CLYBL: variants seen among roughly 807,000 people sequenced by gnomAD.
The protein encoded by CLYBL is citramalyl-CoA lyase, mitochondrial.
CLYBL carries 31 observed loss-of-function variants against 38.9 expected under a neutral mutation model. That is an observed-to-expected ratio of 0.80 (90% CI 0.60 to 1.08). The LOEUF is 1.08. CLYBL is among the 50% of genes least tolerant of loss of function. The pLI, the probability that CLYBL is intolerant of heterozygous loss-of-function variation, is 0.00. For synonymous variants in CLYBL, 171 were observed against 158.6 expected (o/e 1.08, Z -0.59); for missense variants, 434 against 411.6 (o/e 1.05, Z -0.47).
chr13:99,859,302 A>T (rs1053071290), intron 3 of CLYBL, among the ~76,000 whole-genome samples: 3 of 152,216 alleles, frequency 2.0e-5, no homozygotes, highest in African/African-American at 7.2e-5. Flanking sequence ...GTTTGGCCAG[A>T]ACAGCCTCCT....
At chr13:99,725,966 C>T (rs904735020) in intron 1 of CLYBL, among the ~76,000 whole-genome samples, 12 of 152,112 alleles carry the variant, frequency 7.9e-5, no homozygotes, top group Non-Finnish European at 1.6e-4. Flanking sequence ...GATAAAATCC[C>T]TTTTTCTCCA....
rs560637655 is a variant in CLYBL, at chr13:99,797,065, A to T, written c.249+24055A>T. 9.2e-5 allele frequency among the ~76,000 whole-genome samples: 14 copies of T among 152,304 alleles called. No homozygotes were observed. In the East Asian group the frequency reaches 2.3e-3, roughly 25 times the overall value. On this transcript the variant is annotated intron_variant, in intron 2 of 8. Coordinates refer to ENST00000339105, the MANE Select transcript of CLYBL (RefSeq NM_206808.5). ...ATATGGTAGCTGTTATTAATTTGCT[A>T]TTATTTCAACATTGATAGAAGCACC...
At chr13:99,758,808 C>T (rs373315729) in intron 1 of CLYBL, among the ~76,000 whole-genome samples, 2 of 152,234 alleles carry the variant, frequency 1.3e-5, no homozygotes, top group Admixed American at 6.5e-5. Context: ...TCCCCTAGAG[C>T]TTGCTCAGTG....
chr13:99,638,113 C>T (rs1309976499), intron 1 of CLYBL, among the ~76,000 whole-genome samples: 1 of 151,644 alleles, frequency 6.6e-6, no homozygotes, highest in Non-Finnish European at 1.5e-5. Flanking sequence ...ACCAGCTACA[C>T]CTGGCTAATT....
At chr13:99,736,530 G>C (rs142690245) in intron 1 of CLYBL, among the ~76,000 whole-genome samples, 1 of 152,020 alleles carries the variant, frequency 6.6e-6, no homozygotes, top group African/African-American at 2.4e-5. Flanking sequence ...TTTATGCCTG[G>C]GAATCCTCTA....
intron 7 of CLYBL, among the ~76,000 whole-genome samples, chr13:99,876,797 A>T (rs2052054564): frequency 6.6e-6 from 1 of 152,170 alleles, no homozygotes; most frequent in East Asian, 1.9e-4. Context: ...TCTTCAGTTG[A>T]ATATTACAGT....
intron 4 of CLYBL, 106 bp from the exon 5 acceptor site, chr13:99,864,712 C>A: frequency 1.3e-6 from 1 of 754,768 alleles, no homozygotes; most frequent in Non-Finnish European, 2.3e-6. Context: ...TGCTTTCAGC[C>A]AAACTGTGTT....
At chr13:99,679,372 G>A (rs2047700614) in intron 1 of CLYBL, among the ~76,000 whole-genome samples, 2 of 151,878 alleles carry the variant, frequency 1.3e-5, no homozygotes, top group Admixed American at 6.6e-5. Context: ...ATTAAATTCT[G>A]CCCTGGATAC....
rs575276517 is a variant in CLYBL, at chr13:99,640,986, G to T, written c.62+34229G>T. On this transcript the variant is annotated intron_variant, in intron 1 of 8. Coordinates refer to ENST00000339105, the MANE Select transcript of CLYBL (RefSeq NM_206808.5). ...AAAAATTAGTAGCTAGTTTTACTTT[G>T]GTTTACATATATTGTTTTTCTAATA... Among the ~76,000 whole-genome samples, 5 of 152,214 alleles carry T rather than the reference G, an allele frequency of 3.3e-5. 1 individual carries two copies. The highest frequency in any genetic ancestry group is 1.2e-4 in the African/African-American group (5 of 41,532).
intron 1 of CLYBL, among the ~76,000 whole-genome samples, chr13:99,704,268 A>T (rs956272497): frequency 6.6e-6 from 1 of 152,126 alleles, no homozygotes; most frequent in Non-Finnish European, 1.5e-5. Flanking sequence ...TATTACTTTG[A>T]TGGTTTCATT....
At chr13:99,892,024 C>T (rs2052501551) in intron 8 of CLYBL, 1 of 152,228 alleles carries the variant, frequency 6.6e-6, no homozygotes, top group Non-Finnish European at 1.5e-5. Flanking sequence ...ACATCCATCT[C>T]CTTGAACCGC....
chr13:99,696,566 A>T (rs758084424), intron 1 of CLYBL, among the ~76,000 whole-genome samples: 1 of 152,178 alleles, frequency 6.6e-6, no homozygotes, highest in Non-Finnish European at 1.5e-5. Context: ...CTATGATTCA[A>T]GTCCTGATAC....
chr13:99,732,169 GTTTTTT>G (rs35027014), intron 1 of CLYBL, among the ~76,000 whole-genome samples: 3 of 90,778 alleles, frequency 3.3e-5, no homozygotes, highest in Non-Finnish European at 6.3e-5. Flanking sequence ...TTATATGGCA[GTTTTTT>G]TTTTTTTTTT....
At chr13:99,820,480 C>T (rs1464198784) in intron 2 of CLYBL, among the ~76,000 whole-genome samples, 1 of 136,420 alleles carries the variant, frequency 7.3e-6, no homozygotes, top group Non-Finnish European at 1.6e-5. Context: ...CCCCCCGACT[C>T]CCCACCCCCA....
At chr13:99,747,574 T>C (rs2048876129) in intron 1 of CLYBL, among the ~76,000 whole-genome samples, 1 of 152,186 alleles carries the variant, frequency 6.6e-6, no homozygotes, top group African/African-American at 2.4e-5. Context: ...GGGCTCTCTC[T>C]GTTTTCATGG....
At chr13:99,666,584 T>C (rs952398623) in intron 1 of CLYBL, among the ~76,000 whole-genome samples, 1 of 152,130 alleles carries the variant, frequency 6.6e-6, no homozygotes, top group African/African-American at 2.4e-5. Context: ...GGGTGTAAGA[T>C]GTTGGCCAGC....
chr13:99,650,358 G>C (rs192504803), intron 1 of CLYBL, among the ~76,000 whole-genome samples: 2 of 152,192 alleles, frequency 1.3e-5, no homozygotes, highest in East Asian at 3.9e-4. Flanking sequence ...GGAGTTTAAG[G>C]CTACGGTGAA....
chr13:99,891,662 A>C (rs1231315536), intron 8 of CLYBL: 2 of 379,958 alleles, frequency 5.3e-6, no homozygotes, highest in Non-Finnish European at 9.5e-6. Context: ...ATATGGGCTT[A>C]TGATTTCACA....
intron 1 of CLYBL, among the ~76,000 whole-genome samples, chr13:99,704,200 G>C (rs1425062073): frequency 6.6e-6 from 1 of 152,192 alleles, no homozygotes; most frequent in Non-Finnish European, 1.5e-5. Flanking sequence ...CAAGCCTTCA[G>C]ATATCTTTTT....
Sources: allele counts gnomAD v4.1 joint callset (sites outside exome capture counted in the v4.1 genomes callset), GRCh38; gene constraint gnomAD v4.1.1; transcripts MANE v1.5; gene names NCBI Gene and HGNC (gene_info 2026-07-23, HGNC 2026-07-21).